The following LRRC58 variants were observed in gnomAD, a reference collection of about 807,000 sequenced individuals.
LRRC58 encodes the protein leucine-rich repeat-containing protein 58.
Under a neutral mutation model 30.6 loss-of-function variants are expected in LRRC58, and 18 were observed. That is an observed-to-expected ratio of 0.59 (90% CI 0.41 to 0.87). The LOEUF (loss-of-function observed/expected upper bound fraction) is 0.87. Among genes scored for constraint, LRRC58 ranks in the 40% least tolerant of loss-of-function variants. The pLI is 0.00. For synonymous variants in LRRC58, 221 were observed against 206.0 expected (o/e 1.07, Z -0.62); for missense variants, 420 against 468.4 (o/e 0.90, Z 0.95).
At chr3:120,347,552 C>T (rs1329348534) in intron 1 of LRRC58, among the ~76,000 whole-genome samples, 44 of 150,186 alleles carry the variant, frequency 2.9e-4, no homozygotes, top group Non-Finnish European at 4.4e-5. Context: ...CCACCGCGCC[C>T]GGCTAATTTT....
intron 1 of LRRC58, among the ~76,000 whole-genome samples, chr3:120,336,358 A>G (rs1935834836): frequency 1.3e-5 from 2 of 152,218 alleles, no homozygotes; most frequent in South Asian, 4.1e-4. Context: ...GCCCATTTAG[A>G]CAAGAAGAAA....
intron 1 of LRRC58, among the ~76,000 whole-genome samples, chr3:120,343,010 G>A (rs182504638): frequency 4.6e-5 from 7 of 152,316 alleles, no homozygotes; most frequent in African/African-American, 1.4e-4. Flanking sequence ...ACTAGTCTCT[G>A]GTGATCATTT....
intron 3 of LRRC58, among the ~76,000 whole-genome samples, chr3:120,333,905 T>C (rs1355912411): frequency 6.6e-6 from 1 of 152,220 alleles, no homozygotes; most frequent in Admixed American, 6.5e-5. Context: ...AATTTTATCC[T>C]ATCAAAATCT....
At chr3:120,336,464 T>C (rs903814088) in intron 1 of LRRC58, among the ~76,000 whole-genome samples, 4 of 152,156 alleles carry the variant, frequency 2.6e-5, no homozygotes, top group Non-Finnish European at 5.9e-5. Flanking sequence ...AAGATTAAGG[T>C]TGTAGAGAGA....
At chr3:120,338,877 C>T (rs934004389) in intron 1 of LRRC58, among the ~76,000 whole-genome samples, 3 of 152,168 alleles carry the variant, frequency 2.0e-5, no homozygotes, top group African/African-American at 7.2e-5. Context: ...GAGTGGCAAA[C>T]AACTGGAGAA....
At position 120,331,189 on chromosome 3, in the gene LRRC58, T is replaced by G. The variant is rs372468489; in HGVS notation, c.*11A>C. 3.7e-6 allele frequency: 6 copies of G among 1,612,450 alleles called. No individual in the cohort carries two copies. The highest frequency in any genetic ancestry group is 3.4e-6 in the Non-Finnish European group (4 of 1,178,476). On this transcript the variant is annotated 3_prime_UTR_variant, in exon 4 of 4. Coordinates refer to ENST00000295628, the MANE Select transcript of LRRC58 (RefSeq NM_001099678.2). ...GTTTTTTAAGTATTTCACAACACTGTGCACTCCTGTTCAACCAAGAAGAAC... is the reference window on the plus strand; with the variant it reads ...GTTTTTTAAGTATTTCACAACACTGGGCACTCCTGTTCAACCAAGAAGAAC...
In LRRC58 at chr3:120,330,610, A is replaced by G. The variant is rs538619441; in HGVS notation, c.*590T>C. 2 of 152,528 alleles carry G rather than the reference A, an allele frequency of 1.3e-5. No homozygotes were observed. Among genetic ancestry groups the G allele is most frequent in the South Asian group, 4.1e-4 (2 of 4,838 alleles). The allele number at this position is 152,528 out of a possible 1,614,324, so 9.4% of individuals were successfully genotyped here. On this transcript the variant is annotated 3_prime_UTR_variant, in exon 4 of 4. Coordinates refer to ENST00000295628, the MANE Select transcript of LRRC58 (RefSeq NM_001099678.2). ...TTTTAATATCTCATGTAAATGTTAT[A>G]TGCCTTACTTTACCAGTTAGTTTGT...
At chr3:120,346,021 G>A (rs1290433987) in intron 1 of LRRC58, among the ~76,000 whole-genome samples, 3 of 152,198 alleles carry the variant, frequency 2.0e-5, no homozygotes, top group South Asian at 2.1e-4. Flanking sequence ...GGGAGGCAGA[G>A]GTGGGTGGAT....
rs1457660797 is a variant in LRRC58 at position 120,349,046 on chromosome 3, G to T, written c.198C>A (p.Gly66=). The T allele has an allele frequency of 3.3e-6, 5 of 1,518,006 alleles. No individual in the cohort carries two copies. The highest frequency in any genetic ancestry group is 4.4e-6 in the Non-Finnish European group (5 of 1,140,966). The allele number at this position is 1,518,006 out of a possible 1,614,324, so 94.0% of individuals were successfully genotyped here. A position where few individuals can be genotyped will look rare whatever the true frequency, so the allele number is the denominator to read the frequency against. ...CGTCCAGCAGCTGGAGGTGCGGGAA[G>T]CCGCTGCCCAGCGCCCGTGGCAGCG... ...LVSLPRALGS[G]FPHLQLLDVS... Residue 66 remains glycine, a synonymous_variant, in exon 1 of 4, where the codon GGC becomes GGA. Transcript: ENST00000295628.
rs940128786 is a variant in LRRC58 at position 120,325,574 on chromosome 3, G to A, written c.*5626C>T. On this transcript the variant is annotated 3_prime_UTR_variant, in exon 4 of 4. Coordinates refer to ENST00000295628, the MANE Select transcript of LRRC58 (RefSeq NM_001099678.2). ...CTGTGAGTGTTCAATAATATGTAGA[G>A]TTCATTAGTGAACTGTTTTTTAAAT... The A allele has an allele frequency of 1.3e-5, 2 of 152,156 alleles. No homozygotes were observed. Among genetic ancestry groups the A allele is most frequent in the Admixed American group, 6.5e-5 (1 of 15,280 alleles). 9.4% of individuals were successfully genotyped at this position (152,156 alleles called of 1,614,324 possible).
In LRRC58 at chr3:120,348,807, T is replaced by G; in HGVS notation, c.437A>C (p.Gln146Pro). ...TTGGTTGCCGCCCAGGCTCAGGGTC[T>G]GCAGCGCGCGCAGCTCTAAGAGCGA... ...PASLLELRAL[Q>P]TLSLGGNQLQ... Residue 146 changes from glutamine (Q) to proline (P), a missense_variant, in exon 1 of 4, where the codon CAG (glutamine) becomes CCG (proline). By Grantham distance (76) the Gln-to-Pro change is moderately conservative. Around this residue, in one of 2 missense-constraint regions of LRRC58, gnomAD observed 266 missense variants for 251.7 expected, o/e 1.06. Coordinates refer to ENST00000295628, the MANE Select transcript of LRRC58 (RefSeq NM_001099678.2). The G allele has an allele frequency of 6.2e-7, 1 of 1,607,798 alleles. No individual in the cohort carries two copies. The highest frequency in any genetic ancestry group is 8.5e-7 in the Non-Finnish European group (1 of 1,177,882).
intron 1 of LRRC58, 121 bp downstream of exon 1, chr3:120,348,623 A>G (rs2107629476): frequency 8.6e-7 from 1 of 1,168,756 alleles, no homozygotes; most frequent in Non-Finnish European, 1.2e-6. Flanking sequence ...TCACTACCGC[A>G]CAGTTAAAGA....
intron 1 of LRRC58, among the ~76,000 whole-genome samples, chr3:120,338,306 C>G (rs1310867017): frequency 6.6e-6 from 1 of 152,116 alleles, no homozygotes; most frequent in Non-Finnish European, 1.5e-5. Flanking sequence ...CAGTTTCTTC[C>G]TTTTAAAAAT....
intron 1 of LRRC58, among the ~76,000 whole-genome samples, chr3:120,343,338 T>C (rs1251048836): frequency 1.3e-5 from 2 of 152,252 alleles, no homozygotes; most frequent in Non-Finnish European, 2.9e-5. Context: ...CACACTCTAC[T>C]GTTTCTGAAT....
intron 1 of LRRC58, among the ~76,000 whole-genome samples, chr3:120,345,027 G>A (rs1308574014): frequency 2.0e-5 from 3 of 151,984 alleles, no homozygotes; most frequent in Non-Finnish European, 2.9e-5. Flanking sequence ...TAATTTACTC[G>A]AGGGGAAGGA....
rs899442886 is a variant in LRRC58, at chr3:120,334,910, G to A, written c.859C>T (p.Leu287Phe). Residue 287 changes from leucine to phenylalanine, a missense_variant, in exon 3 of 4, where the codon CTT (leucine) becomes TTT (phenylalanine). Transcript: ENST00000295628. ...TTGCTGGCTGAACCCAAGTATCTAAGAAGATTTCCAGGAAGATCATAGGGA... is the reference window on the plus strand; with the variant it reads ...TTGCTGGCTGAACCCAAGTATCTAAAAAGATTTCCAGGAAGATCATAGGGA... The part of the protein sequence containing the change: ...YTPYDLPGNL[L>F]RYLGSASNCP... 1.2e-6 allele frequency: 2 copies of A among 1,613,696 alleles called. No homozygotes were observed. The highest frequency in any genetic ancestry group is 1.7e-6 in the Non-Finnish European group (2 of 1,179,740).
chr3:120,341,645 CT>C (rs758200376), intron 1 of LRRC58, among the ~76,000 whole-genome samples: 209 of 152,294 alleles, frequency 1.4e-3, no homozygotes, highest in Non-Finnish European at 2.5e-3. Flanking sequence ...GATTAGTGTT[CT>C]TCTAGGATTC....
chr3:120,338,672 CCAGTTTGACTAGAT>C (rs1173846741), intron 1 of LRRC58, among the ~76,000 whole-genome samples: 2 of 152,134 alleles, frequency 1.3e-5, no homozygotes, highest in Non-Finnish European at 2.9e-5. Context: ...AGCAACACAG[CCAGTTTGACTAGAT>C]GAGTAGATCA....
chr3:120,349,059 G>A lies in LRRC58; in HGVS notation c.185C>T (p.Ala62Val). 2 of 1,517,872 alleles carry A rather than the reference G, an allele frequency of 1.3e-6. No individual in the cohort carries two copies. The highest frequency in any genetic ancestry group is 2.0e-5 in the Admixed American group (1 of 49,196). 94.0% of individuals were successfully genotyped at this position (1,517,872 alleles called of 1,614,324 possible). A position where few individuals can be genotyped will look rare whatever the true frequency, so the allele number is the denominator to read the frequency against. ...PHNRLVSLPR[A>V]LGSGFPHLQL... ...GAGGTGCGGGAAGCCGCTGCCCAGC[G>A]CCCGTGGCAGCGACACCAGACGGTT... The change falls in exon 1 of 4, where the codon GCG becomes GTG. Residue 62 changes from alanine (A) to valine (V), a missense_variant. Ala to Val is a moderately conservative substitution (Grantham distance 64). Coordinates refer to ENST00000295628, the MANE Select transcript of LRRC58 (RefSeq NM_001099678.2).
Sources: gnomAD v4.1 joint callset for allele counts (sites outside exome capture counted in the v4.1 genomes callset) on GRCh38, gnomAD v4.1.1 for gene constraint, gnomAD v4.1.1 regional missense constraint, MANE v1.5 for transcripts, NCBI Gene and HGNC (gene_info 2026-07-23, HGNC 2026-07-21) for gene names.